The following KIF26B variants were observed in gnomAD, a reference collection of about 807,000 sequenced individuals.
KIF26B encodes kinesin-like protein KIF26B.
In KIF26B, 63 loss-of-function variants were observed where a neutral mutation model predicts 151.2. The ratio of observed to expected loss-of-function variants is 0.42; its 90% confidence interval spans 0.34 to 0.51. KIF26B has a LOEUF of 0.51. Among genes scored for constraint, KIF26B ranks in the 20% least tolerant of loss-of-function variants. The pLI is 0.07. For synonymous variants in KIF26B, 1,357 were observed against 1,262.1 expected, an observed-to-expected ratio of 1.08 and a Z score of -1.59; for missense variants, 2,813 against 2,913.6, an observed-to-expected ratio of 0.97 and a Z score of 0.79.
chr1:245,634,863 C>T (rs1297287254), intron 9 of KIF26B, among the ~76,000 whole-genome samples: 1 of 151,970 alleles, frequency 6.6e-6, no homozygotes, highest in African/African-American at 2.4e-5. Flanking sequence ...ACAGTGTGCA[C>T]CACTGTGCCC....
intron 3 of KIF26B, among the ~76,000 whole-genome samples, chr1:245,396,052 T>C (rs2103024759): frequency 6.6e-6 from 1 of 152,336 alleles, no homozygotes; most frequent in East Asian, 1.9e-4. Context: ...TAGGTTCCTC[T>C]GTGGCCTGTT....
At chr1:245,362,493 G>A (rs915623273) in intron 2 of KIF26B, among the ~76,000 whole-genome samples, 8 of 149,940 alleles carry the variant, frequency 5.3e-5, no homozygotes, top group Non-Finnish European at 8.9e-5. Flanking sequence ...AGCCGAGATC[G>A]CACCACTGCG....
intron 2 of KIF26B, among the ~76,000 whole-genome samples, chr1:245,177,325 TAA>T (rs1668826632): frequency 1.3e-5 from 2 of 152,208 alleles, no homozygotes; most frequent in African/African-American, 4.8e-5. Context: ...CACTATCTCT[TAA>T]AAGAGTGTTG....
At chr1:245,256,533 G>C (rs962005568) in intron 2 of KIF26B, among the ~76,000 whole-genome samples, 1 of 152,180 alleles carries the variant, frequency 6.6e-6, no homozygotes, top group African/African-American at 2.4e-5. Context: ...ACTTTTAGGA[G>C]AGTTGGTTGA....
At position 245,602,605 on chromosome 1, in the gene KIF26B, C is replaced by G. The variant is rs2043408414; in HGVS notation, c.1379C>G (p.Thr460Ser). The G allele has an allele frequency of 6.2e-7, 1 of 1,613,484 alleles. No individual in the cohort carries two copies. Among genetic ancestry groups the G allele is most frequent in the East Asian group, 2.2e-5 (1 of 44,884 alleles). Residue 460 changes from threonine (T) to serine (S), a missense_variant, in exon 6 of 15, where the codon ACC becomes AGC. Thr to Ser is a moderately conservative substitution (Grantham distance 58, BLOSUM62 1). Transcript: ENST00000407071. The surrounding 1 kb of genome is among the most constrained non-coding windows in gnomAD (Gnocchi z 4.5). ...KVKVMLRICS[T>S]LARDTSESSS... Reference sequence around the variant, plus strand: ...AAAGTCATGCTTCGCATCTGTTCCACCTTGGCTCGAGATACTTCAGAATCC... The same window carrying G: ...AAAGTCATGCTTCGCATCTGTTCCAGCTTGGCTCGAGATACTTCAGAATCC...
In KIF26B at chr1:245,306,173, A is replaced by T. The variant is rs945709145; in HGVS notation, c.466-60661A>T. On this transcript the variant is annotated intron_variant, in intron 2 of 14. Transcript: ENST00000407071. ...AATGTCTATCAACTGAAGAATGGAT[A>T]AACAAAATGTGGCATGATCTATATA... 2.6e-5 allele frequency among the ~76,000 whole-genome samples: 4 copies of T among 152,242 alleles called. 1 individual carries two copies. The highest frequency in any genetic ancestry group is 5.9e-5 in the Non-Finnish European group (4 of 68,040).
At chr1:245,487,649 G>T (rs191124373) in intron 4 of KIF26B, among the ~76,000 whole-genome samples, 1 of 152,122 alleles carries the variant, frequency 6.6e-6, no homozygotes, top group African/African-American at 2.4e-5. Flanking sequence ...TGCCCAGGCT[G>T]GAGTGCAGTG....
At chr1:245,692,669 T>C (rs2044641849) in intron 12 of KIF26B, among the ~76,000 whole-genome samples, 1 of 152,172 alleles carries the variant, frequency 6.6e-6, no homozygotes, top group African/African-American at 2.4e-5. Flanking sequence ...ATCTGGGAGC[T>C]ACAAGAACAG....
intron 4 of KIF26B, among the ~76,000 whole-genome samples, chr1:245,433,626 A>C (rs1658834120): frequency 6.6e-6 from 1 of 152,130 alleles, no homozygotes; most frequent in Non-Finnish European, 1.5e-5. Context: ...TCCATTGTTG[A>C]TTTCAACACA....
intron 4 of KIF26B, among the ~76,000 whole-genome samples, chr1:245,506,614 T>G (rs1660732558): frequency 6.6e-6 from 1 of 152,190 alleles, no homozygotes; most frequent in South Asian, 2.1e-4. Flanking sequence ...TGGAGGGGTC[T>G]ATGGGATCAT....
intron 2 of KIF26B, among the ~76,000 whole-genome samples, chr1:245,339,250 T>C (rs1466231913): frequency 2.0e-5 from 3 of 152,236 alleles, no homozygotes; most frequent in Non-Finnish European, 4.4e-5. Flanking sequence ...AGTGCTGGAA[T>C]TACAGGCATG....
At chr1:245,184,044 G>A (rs1209425267) in intron 2 of KIF26B, among the ~76,000 whole-genome samples, 2 of 3,458 alleles carry the variant, frequency 5.8e-4, no homozygotes, top group Non-Finnish European at 1.3e-3. Context: ...ATGGGTGGGA[G>A]TTGTTGTTTT....
intron 2 of KIF26B, among the ~76,000 whole-genome samples, chr1:245,217,530 AT>A (rs369493761): frequency 2.0e-5 from 3 of 150,236 alleles, no homozygotes; most frequent in African/African-American, 4.9e-5. Flanking sequence ...ACGCCCAGCT[AT>A]TTTTTTTTGT....
chr1:245,463,392 C>A (rs1203096647), intron 4 of KIF26B, among the ~76,000 whole-genome samples: 2 of 152,304 alleles, frequency 1.3e-5, no homozygotes, highest in South Asian at 4.1e-4. Context: ...ATCCTGTGAA[C>A]CTCCCATGGG....
intron 11 of KIF26B, 126 bp downstream of exon 11, chr1:245,684,521 C>A: frequency 1.9e-6 from 2 of 1,033,098 alleles, no homozygotes; most frequent in African/African-American, 1.6e-5. Flanking sequence ...TGACTTGGAG[C>A]TGACAACACG....
intron 2 of KIF26B, among the ~76,000 whole-genome samples, chr1:245,256,480 G>T (rs1573736591): frequency 6.6e-6 from 1 of 152,342 alleles, no homozygotes; most frequent in South Asian, 2.1e-4. Context: ...CAGTGCTGAG[G>T]TCCTGTGTCC....
chr1:245,649,613 C>T (rs1410578963), intron 10 of KIF26B, among the ~76,000 whole-genome samples: 1 of 152,174 alleles, frequency 6.6e-6, no homozygotes, highest in Non-Finnish European at 1.5e-5. Context: ...ACTCCTCCTG[C>T]TCACTTACGG....
chr1:245,392,806 A>G (rs763585919), intron 3 of KIF26B, among the ~76,000 whole-genome samples: 19 of 152,174 alleles, frequency 1.2e-4, no homozygotes, highest in Admixed American at 2.6e-4. Context: ...ATTTTTTAAC[A>G]CTGTTTTTCC....
In KIF26B at chr1:245,540,530, T is replaced by TGG. The variant is rs1661589864; in HGVS notation, c.1167-237_1167-236insGG. The TGG allele has an allele frequency of 2.9e-6, 2 of 692,562 alleles. No individual in the cohort carries two copies. Among genetic ancestry groups the TGG allele is most frequent in the Non-Finnish European group, 2.6e-6 (1 of 378,606 alleles). 42.9% of individuals were successfully genotyped at this position (692,562 alleles called of 1,614,324 possible). On this transcript the variant is annotated intron_variant, in intron 4 of 14. Transcript: ENST00000407071. The surrounding 1 kb of genome is among the most constrained non-coding windows in gnomAD (Gnocchi z 4.6). ...ACACATCATTCTTTGTAAATCGTGA[T>TGG]TGCAGAATCCTGCTATTTTATGGCT... is the stretch of plus-strand genomic sequence containing the variant.
Sources: allele counts gnomAD v4.1 joint callset (sites outside exome capture counted in the v4.1 genomes callset), GRCh38; gene constraint gnomAD v4.1.1; non-coding constraint Gnocchi (gnomAD v3.1); transcripts MANE v1.5; gene names NCBI Gene and HGNC (gene_info 2026-07-23, HGNC 2026-07-21).